SEL1L3: variants seen among roughly 807,000 people sequenced by gnomAD.
The protein encoded by SEL1L3 is SEL1L family member 3.
SEL1L3 carries 76 observed loss-of-function variants against 142.8 expected under a neutral mutation model. That is an observed-to-expected ratio of 0.53 (90% confidence interval 0.44 to 0.64). The LOEUF (loss-of-function observed/expected upper bound fraction) is 0.64, where lower values mean the gene tolerates loss of function less well. Ranked by LOEUF, SEL1L3 falls within the 30% of genes least tolerant of loss-of-function variation. The pLI is 0.00. For synonymous variants in SEL1L3, 504 were observed against 519.6 expected (o/e 0.97, Z 0.41); for missense variants, 1,262 against 1,381.7 (o/e 0.91, Z 1.37).
At chr4:25,750,498 AG>A (rs550453855) in intron 23 of SEL1L3, among the ~76,000 whole-genome samples, 42 of 152,310 alleles carry the variant, frequency 2.8e-4, no homozygotes, top group Middle Eastern at 3.4e-3. Context: ...GTTTGCACAA[AG>A]GAGGTATACA....
At chr4:25,787,818 G>A (rs1449587850) in intron 13 of SEL1L3, among the ~76,000 whole-genome samples, 1 of 152,140 alleles carries the variant, frequency 6.6e-6, no homozygotes, top group Admixed American at 6.5e-5. Context: ...TTAAAACCAA[G>A]ATCTTTATTT....
chr4:25,825,666 ATTTTTTT>A (rs33997941), intron 6 of SEL1L3, among the ~76,000 whole-genome samples: 4 of 74,026 alleles, frequency 5.4e-5, no homozygotes, highest in Non-Finnish European at 7.6e-5. Context: ...TCTAAATTCT[ATTTTTTT>A]TTTTTTTTTT....
the SEL1L3 span, among the ~76,000 whole-genome samples, chr4:25,714,364 A>G: frequency 0.035 from 5,390 of 152,216 alleles, 288 homozygotes; most frequent in African/African-American, 0.12. Flanking sequence ...AGCCTCATAT[A>G]CATTGCAAAT....
At chr4:25,735,118 C>T in the SEL1L3 span, among the ~76,000 whole-genome samples, 1 of 152,010 alleles carries the variant, frequency 6.6e-6, no homozygotes, top group Non-Finnish European at 1.5e-5. Flanking sequence ...GCCATCTGGG[C>T]TTAGAATTTT....
chr4:25,762,129 A>G (rs970239751), intron 20 of SEL1L3, among the ~76,000 whole-genome samples: 1 of 152,136 alleles, frequency 6.6e-6, no homozygotes, highest in Non-Finnish European at 1.5e-5. Context: ...TTGTATTTTT[A>G]GCAGAGATGG....
chr4:25,752,968 T>G (rs1717700994), intron 23 of SEL1L3, among the ~76,000 whole-genome samples: 1 of 152,232 alleles, frequency 6.6e-6, no homozygotes, highest in South Asian at 2.1e-4. Flanking sequence ...TTATCTCAAC[T>G]ACAACAGGCA....
At chr4:25,809,832 C>G (rs1367934339) in intron 9 of SEL1L3, among the ~76,000 whole-genome samples, 1 of 152,220 alleles carries the variant, frequency 6.6e-6, no homozygotes, top group African/African-American at 2.4e-5. Context: ...TAAAAGGAAA[C>G]AGTATCCCGA....
At chr4:25,821,013 C>T (rs770631754) in intron 7 of SEL1L3, among the ~76,000 whole-genome samples, 24 of 152,296 alleles carry the variant, frequency 1.6e-4, no homozygotes, top group Non-Finnish European at 1.6e-4. Flanking sequence ...CAGGTGTGAG[C>T]CACCACGCTT....
At chr4:25,785,790 C>T (rs945919829) in intron 13 of SEL1L3, among the ~76,000 whole-genome samples, 1 of 152,062 alleles carries the variant, frequency 6.6e-6, no homozygotes, top group East Asian at 1.9e-4. Flanking sequence ...TGAACGTTAG[C>T]GCCTGGTTGA....
intron 19 of SEL1L3, among the ~76,000 whole-genome samples, chr4:25,767,251 C>T (rs1219747225): frequency 6.6e-6 from 1 of 152,174 alleles, no homozygotes; most frequent in African/African-American, 2.4e-5. Context: ...TTCCACTGCA[C>T]TCCAGCCCGG....
At chr4:25,830,312 T>C (rs539121503) in intron 5 of SEL1L3, among the ~76,000 whole-genome samples, 156 bp from the exon 6 acceptor site, 19 of 152,252 alleles carry the variant, frequency 1.2e-4, no homozygotes, top group Non-Finnish European at 2.1e-4. Flanking sequence ...GCCCTGTGCA[T>C]ATTTTAAGAT....
chr4:25,799,640 G>T (rs959992377), intron 11 of SEL1L3, among the ~76,000 whole-genome samples: 2 of 152,138 alleles, frequency 1.3e-5, no homozygotes, highest in South Asian at 2.1e-4. Flanking sequence ...AAGTGGTATG[G>T]AAAGCTGTTG....
intron 2 of SEL1L3, among the ~76,000 whole-genome samples, chr4:25,836,492 CA>C (rs1296119133): frequency 7.3e-4 from 108 of 148,164 alleles, no homozygotes; most frequent in African/African-American, 2.3e-3. Flanking sequence ...ACTAAAAATA[CA>C]AAAAAAAAAT....
At chr4:25,802,600 G>C in intron 10 of SEL1L3, 138 bp from the exon 11 acceptor site, 1 of 731,106 alleles carries the variant, frequency 1.4e-6, no homozygotes, top group African/African-American at 1.8e-5. Flanking sequence ...CTTTTTTTTT[G>C]AGACGGAGCC....
At chr4:25,736,700 A>AACCT in the SEL1L3 span, among the ~76,000 whole-genome samples, 1 of 152,176 alleles carries the variant, frequency 6.6e-6, no homozygotes, top group Non-Finnish European at 1.5e-5. Flanking sequence ...ATCTTCTGTA[A>AACCT]ACCTACCATT....
chr4:25,862,730 A>G lies in SEL1L3; in HGVS notation c.107T>C (p.Val36Ala). 1.6e-6 allele frequency: 2 copies of G among 1,275,818 alleles called. No individual in the cohort carries two copies. The highest frequency in any genetic ancestry group is 2.0e-6 in the Non-Finnish European group (2 of 1,009,944). 79.0% of individuals were successfully genotyped at this position (1,275,818 alleles called of 1,614,324 possible). ...RAAAMVPSGG[V>A]PQGLGGRSAC... is the part of the protein sequence containing the mutation. ...AGAGCGGCCGCCGAGGCCCTGGGGG[A>G]CGCCGCCACTCGGGACCATGGCTGC... The change falls in exon 1 of 24, where the codon GTC (valine) becomes GCC (alanine). Residue 36 changes from valine (V) to alanine (A), a missense_variant. Around this residue, in one of 3 missense-constraint regions of SEL1L3, gnomAD observed 689 missense variants for 692.8 expected, o/e 0.99. Coordinates refer to ENST00000399878, the MANE Select transcript of SEL1L3 (RefSeq NM_015187.5).
intron 2 of SEL1L3, among the ~76,000 whole-genome samples, chr4:25,838,469 T>A (rs377291959): frequency 3.3e-5 from 5 of 152,318 alleles, no homozygotes; most frequent in African/African-American, 1.2e-4. Flanking sequence ...GAAGCTCTAA[T>A]ATGACTCAAA....
downstream of SEL1L3, among the ~76,000 whole-genome samples, chr4:25,744,670 C>G (rs937444582): frequency 6.6e-6 from 1 of 152,144 alleles, no homozygotes; most frequent in Non-Finnish European, 1.5e-5. Flanking sequence ...GGCAGGCATT[C>G]ATTAATTAGA....
chr4:25,779,127 T>C lies in SEL1L3; in HGVS notation c.2534A>G (p.Tyr845Cys), dbSNP rs776424871. The change falls in exon 16 of 24, where the codon TAT becomes TGT. Residue 845 changes from tyrosine (Y) to cysteine (C), a missense_variant. Around this residue, in one of 3 missense-constraint regions of SEL1L3, gnomAD observed 435 missense variants for 559.2 expected, o/e 0.78. Coordinates refer to ENST00000399878, the MANE Select transcript of SEL1L3 (RefSeq NM_015187.5). ...MEGTLWCSLY[Y>C]ITGNLETFPR... Reference sequence around the variant, plus strand: ...GAATGTCTCCAGGTTGCCTGTGATATAGTAGAGAGAACACCACAAGGTCCC... The same window carrying C: ...GAATGTCTCCAGGTTGCCTGTGATACAGTAGAGAGAACACCACAAGGTCCC... The C allele has an allele frequency of 6.2e-7, 1 of 1,613,626 alleles. No homozygotes were observed. The highest frequency in any genetic ancestry group is 1.3e-5 in the African/African-American group (1 of 75,030).
Sources: gnomAD v4.1 joint callset for allele counts (sites outside exome capture counted in the v4.1 genomes callset) on GRCh38, gnomAD v4.1.1 for gene constraint, gnomAD v4.1.1 regional missense constraint, MANE v1.5 for transcripts, NCBI Gene and HGNC (gene_info 2026-07-23, HGNC 2026-07-21) for gene names.